Variants in SMIM15 observed in about 807,000 individuals in gnomAD.
The protein encoded by SMIM15 is small integral membrane protein 15.
Under a neutral mutation model 6.8 loss-of-function variants are expected in SMIM15, and 5 were observed. That is an observed-to-expected ratio of 0.74 (90% CI 0.39 to 1.56). The LOEUF (loss-of-function observed/expected upper bound fraction) is 1.56, where lower values mean the gene tolerates loss of function less well. SMIM15 is among the 40% of genes most tolerant of loss of function. The pLI is 0.03. For missense variants in SMIM15, 81 were observed against 84.8 expected (o/e 0.96, Z 0.18); for synonymous variants, 30 against 30.8 (o/e 0.97, Z 0.09).
At position 61,159,644 on chromosome 5, in the gene SMIM15, A is replaced by G; in HGVS notation, c.*303T>C. 3.1e-6 allele frequency: 1 copy of G among 317,782 alleles called. No individual in the cohort carries two copies. The highest frequency in any genetic ancestry group is 5.8e-6 in the Non-Finnish European group (1 of 171,096). 19.7% of individuals were successfully genotyped at this position (317,782 alleles called of 1,614,324 possible). ...TAATCTAAAGTCACTTTTCCCCACA[A>G]GATGTTTTCATTTCAGTATATAAAC... On this transcript the variant is annotated 3_prime_UTR_variant, in exon 3 of 3. Transcript: ENST00000339020.
rs1741371919 is a variant in SMIM15 at position 61,159,254 on chromosome 5, A to G, written c.*693T>C. The G allele has an allele frequency of 1.3e-5, 2 of 152,864 alleles. No individual in the cohort carries two copies. Among genetic ancestry groups the G allele is most frequent in the South Asian group, 4.1e-4 (2 of 4,834 alleles). 9.5% of individuals were successfully genotyped at this position (152,864 alleles called of 1,614,324 possible). A position where few individuals can be genotyped will look rare whatever the true frequency, so the allele number is the denominator to read the frequency against. On this transcript the variant is annotated 3_prime_UTR_variant, in exon 3 of 3. Coordinates refer to ENST00000339020, the MANE Select transcript of SMIM15 (RefSeq NM_001048249.4). ...CTCAAGCCATCTCTAAGAAAATGGC[A>G]GTGTTTGTGAGTACAAAAATTGTTC...
chr5:61,160,364 C>G (rs1741391656), intron 2 of SMIM15, among the ~76,000 whole-genome samples, 165 bp from the exon 3 acceptor site: 1 of 152,076 alleles, frequency 6.6e-6, no homozygotes, highest in Non-Finnish European at 1.5e-5. Flanking sequence ...GTAATAAGGA[C>G]TAGTATCTCT....
At chr5:61,161,294 A>G (rs1741413207) in intron 1 of SMIM15, 67 bp from the exon 2 acceptor site, 1 of 152,200 alleles carries the variant, frequency 6.6e-6, no homozygotes, top group Admixed American at 6.5e-5. Context: ...TTGTAATAAA[A>G]TTTTAAATGG....
chr5:61,161,957 A>G (rs1223655720), intron 1 of SMIM15: 1 of 152,228 alleles, frequency 6.6e-6, no homozygotes, highest in Non-Finnish European at 1.5e-5. Flanking sequence ...AAGCAAAAGA[A>G]CTTTGCAGTA....
At position 61,159,338 on chromosome 5, in the gene SMIM15, T is replaced by A. The variant is rs1436693420; in HGVS notation, c.*609A>T. ...AAGAGAATTCTTTATAAAATTATGT[T>A]TTAAAAAATGGAAAATGACTTATAA... On this transcript the variant is annotated 3_prime_UTR_variant, in exon 3 of 3. Coordinates refer to ENST00000339020, the MANE Select transcript of SMIM15 (RefSeq NM_001048249.4). 1 of 153,174 alleles carries A rather than the reference T, an allele frequency of 6.5e-6. No individual in the cohort carries two copies. The highest frequency in any genetic ancestry group is 1.5e-5 in the Non-Finnish European group (1 of 68,460). The allele number at this position is 153,174 out of a possible 1,614,324, so 9.5% of individuals were successfully genotyped here. A position where few individuals can be genotyped will look rare whatever the true frequency, so the allele number is the denominator to read the frequency against.
At chr5:61,160,504 T>C (rs1460962) in intron 2 of SMIM15, among the ~76,000 whole-genome samples, 3,193 of 152,300 alleles carry the variant, frequency 0.021, 56 homozygotes, top group Non-Finnish European at 0.031. Flanking sequence ...CCTCCTATAT[T>C]CAAGACAAAC....
rs1741364919 is a variant in SMIM15 at position 61,158,812 on chromosome 5, TGAAA to T, written c.*1131_*1134del. 6.6e-6 allele frequency: 1 copy of T among 152,196 alleles called. No homozygotes were observed. Among genetic ancestry groups the T allele is most frequent in the South Asian group, 2.1e-4 (1 of 4,832 alleles). The allele number at this position is 152,196 out of a possible 1,614,324, so 9.4% of individuals were successfully genotyped here. On this transcript the variant is annotated 3_prime_UTR_variant, in exon 3 of 3. Coordinates refer to ENST00000339020, the MANE Select transcript of SMIM15 (RefSeq NM_001048249.4). The stretch of plus-strand genomic sequence containing the variant: ...GTAAAACGTTCCAGTTCTACTAAAC[TGAAA>T]GAAACATCCTTTAGCTCCCTACTTC...
At chr5:61,161,453 T>G (rs898010805) in intron 1 of SMIM15, among the ~76,000 whole-genome samples, 1 of 152,214 alleles carries the variant, frequency 6.6e-6, no homozygotes, top group African/African-American at 2.4e-5. Flanking sequence ...AGTATTTTAC[T>G]AAGTTACTTA....
intron 1 of SMIM15, among the ~76,000 whole-genome samples, chr5:61,161,792 A>T (rs1490042641): frequency 6.6e-6 from 1 of 152,162 alleles, no homozygotes; most frequent in Non-Finnish European, 1.5e-5. Context: ...ACGATTTTCA[A>T]CTGAACACAC....
rs1741362479 is a variant in SMIM15, at chr5:61,158,614, T to C, written c.*1333A>G. ...AATCCAGGACCTCTTTATAAAAAAT[T>C]ATCAAATTTATTTTAATGTCTAGTT... On this transcript the variant is annotated 3_prime_UTR_variant, in exon 3 of 3. Coordinates refer to ENST00000339020, the MANE Select transcript of SMIM15 (RefSeq NM_001048249.4). 1 of 151,886 alleles carries C rather than the reference T, an allele frequency of 6.6e-6. No homozygotes were observed. Among genetic ancestry groups the C allele is most frequent in the South Asian group, 2.1e-4 (1 of 4,816 alleles). 9.4% of individuals were successfully genotyped at this position (151,886 alleles called of 1,614,324 possible).
chr5:61,161,513 G>T (rs1461080460), intron 1 of SMIM15, among the ~76,000 whole-genome samples: 1 of 151,968 alleles, frequency 6.6e-6, no homozygotes, highest in Non-Finnish European at 1.5e-5. Flanking sequence ...AGACAAGTTG[G>T]CTCACTGACT....
chr5:61,160,524 G>A (rs1036240609), intron 2 of SMIM15, among the ~76,000 whole-genome samples: 1 of 152,186 alleles, frequency 6.6e-6, no homozygotes, highest in African/African-American at 2.4e-5. Flanking sequence ...CTTTATTTAG[G>A]AGGAGGCTTT....
chr5:61,161,031 AGT>A (rs1741408440), intron 2 of SMIM15, 55 bp downstream of exon 2: 1 of 152,216 alleles, frequency 6.6e-6, no homozygotes, highest in Non-Finnish European at 1.5e-5. Flanking sequence ...GTAGGGAATG[AGT>A]GTATATACAT....
rs750158145 is a variant in SMIM15 at position 61,160,137 on chromosome 5, A to G, written c.35T>C (p.Val12Ala). The change falls in exon 3 of 3, where the codon GTG becomes GCG. Residue 12 changes from valine (V) to alanine (A), a missense_variant. By Grantham distance (64) the Val-to-Ala change is moderately conservative (BLOSUM62 0). Transcript: ENST00000339020. Reference sequence around the variant, plus strand: ...ATAGGGGTCCTTTGCAGCCCATTCCACAACATACTCAGCCCAAGCCTTTAT... The same window carrying G: ...ATAGGGGTCCTTTGCAGCCCATTCCGCAACATACTCAGCCCAAGCCTTTAT... ...FDIKAWAEYVVEWAAKDPYGF... is the reference protein window; with the variant it reads ...FDIKAWAEYVAEWAAKDPYGF... 1 of 1,614,148 alleles carries G rather than the reference A, an allele frequency of 6.2e-7. No individual in the cohort carries two copies.
Position 61,161,178 on chromosome 5 carries a change from TG to T in SMIM15, c.-120del, listed in dbSNP as rs1215314726. On this transcript the variant is annotated 5_prime_UTR_variant, in exon 2 of 3. An upstream open reading frame in the 5' UTR gains an earlier in-frame stop. Coordinates refer to ENST00000339020, the MANE Select transcript of SMIM15 (RefSeq NM_001048249.4). Reference sequence around the variant, plus strand: ...GATGACCCTTGGTAGTCTGTCTTCTTGAGTTCTACTGTACACATCTGAGAGA... The same window carrying T: ...GATGACCCTTGGTAGTCTGTCTTCTTAGTTCTACTGTACACATCTGAGAGA... 1 of 152,220 alleles carries T rather than the reference TG, an allele frequency of 6.6e-6. No individual in the cohort carries two copies. Among genetic ancestry groups the T allele is most frequent in the African/African-American group, 2.4e-5 (1 of 41,464 alleles). 9.4% of individuals were successfully genotyped at this position (152,220 alleles called of 1,614,324 possible).
rs1280137654 is a variant in SMIM15, at chr5:61,158,368, G to A, written c.*1579C>T. The A allele has an allele frequency of 6.6e-6, 1 of 151,968 alleles. No individual in the cohort carries two copies. The highest frequency in any genetic ancestry group is 1.5e-5 in the Non-Finnish European group (1 of 67,994). The allele number at this position is 151,968 out of a possible 1,614,324, so 9.4% of individuals were successfully genotyped here. ...TAACACTGAATAATTTCAGTGCCTT[G>A]AGTTATAATGTGTTGCTCACACTGG... On this transcript the variant is annotated 3_prime_UTR_variant, in exon 3 of 3. Transcript: ENST00000339020.
chr5:61,161,146 G>A lies in SMIM15; in HGVS notation c.-87C>T, dbSNP rs1741411035. 1 of 152,096 alleles carries A rather than the reference G, an allele frequency of 6.6e-6. No individual in the cohort carries two copies. The highest frequency in any genetic ancestry group is 2.4e-5 in the African/African-American group (1 of 41,408). 9.4% of individuals were successfully genotyped at this position (152,096 alleles called of 1,614,324 possible). A position where few individuals can be genotyped will look rare whatever the true frequency, so the allele number is the denominator to read the frequency against. ...CTGGTGTTATTAGTGACCCAATCAC[G>A]ACTTCAGATGACCCTTGGTAGTCTG... On this transcript the variant is annotated 5_prime_UTR_variant, in exon 2 of 3. Coordinates refer to ENST00000339020, the MANE Select transcript of SMIM15 (RefSeq NM_001048249.4).
At chr5:61,161,813 C>T (rs575604) in intron 1 of SMIM15, among the ~76,000 whole-genome samples, 1 of 152,178 alleles carries the variant, frequency 6.6e-6, no homozygotes, top group African/African-American at 2.4e-5. Context: ...ATGAAAGTGC[C>T]TAATACGTTA....
Position 61,158,654 on chromosome 5 carries a change from T to C in SMIM15, c.*1293A>G, listed in dbSNP as rs975017718. 7.2e-5 allele frequency: 11 copies of C among 152,158 alleles called. No individual in the cohort carries two copies. The highest frequency in any genetic ancestry group is 2.4e-4 in the African/African-American group (10 of 41,528). The allele number at this position is 152,158 out of a possible 1,614,324, so 9.4% of individuals were successfully genotyped here. Reference sequence around the variant, plus strand: ...AATGTCTAGTTTCATTTTTAAACTGTAGCTGCTAGACAATTTTTTGTAATT... The same window carrying C: ...AATGTCTAGTTTCATTTTTAAACTGCAGCTGCTAGACAATTTTTTGTAATT... On this transcript the variant is annotated 3_prime_UTR_variant, in exon 3 of 3. Coordinates refer to ENST00000339020, the MANE Select transcript of SMIM15 (RefSeq NM_001048249.4).
Sources: gnomAD v4.1 joint callset for allele counts (sites outside exome capture counted in the v4.1 genomes callset) on GRCh38, gnomAD v4.1.1 for gene constraint, MANE v1.5 for transcripts, NCBI Gene and HGNC (gene_info 2026-07-23, HGNC 2026-07-21) for gene names.